The following ROBO2 variants were observed in gnomAD, a reference collection of about 807,000 sequenced individuals.
The protein encoded by ROBO2 is roundabout guidance receptor 2.
ROBO2 carries 53 observed loss-of-function variants against 160.8 expected under a neutral mutation model. That is an observed-to-expected ratio of 0.33 (90% CI 0.26 to 0.41). ROBO2 has a LOEUF of 0.41. Ranked by LOEUF, ROBO2 falls within the 10% of genes least tolerant of loss-of-function variation. The probability of loss-of-function intolerance (pLI) is 1.00; values close to 1 mark genes in which losing one functional copy is unlikely to be tolerated. For missense variants in ROBO2, 1,577 were observed against 1,722.4 expected (o/e 0.92, Z 1.49); for synonymous variants, 664 against 611.7 (o/e 1.09, Z -1.26).
intron 2 of ROBO2, among the ~76,000 whole-genome samples, chr3:76,220,257 G>A (rs1200949196): frequency 6.6e-5 from 10 of 151,456 alleles, no homozygotes; most frequent in African/African-American, 1.2e-4. Context: ...CAGCACACCA[G>A]CATGGCACAT....
chr3:77,074,462 A>T (rs1251241691), intron 1 of ROBO2, among the ~76,000 whole-genome samples: 1 of 152,196 alleles, frequency 6.6e-6, no homozygotes, highest in East Asian at 1.9e-4. Flanking sequence ...TTTATCTATT[A>T]TATTTTGAAT....
At chr3:76,176,308 G>GT (rs1453878294) in intron 2 of ROBO2, among the ~76,000 whole-genome samples, 3 of 152,142 alleles carry the variant, frequency 2.0e-5, no homozygotes, top group Admixed American at 6.5e-5. Flanking sequence ...AAACCTCTGA[G>GT]TATGGTATCT....
chr3:76,304,009 G>A (rs1236635652), intron 2 of ROBO2, among the ~76,000 whole-genome samples: 1 of 152,190 alleles, frequency 6.6e-6, no homozygotes, highest in East Asian at 1.9e-4. Context: ...CTCGATAACA[G>A]TGAAAATAAG....
At chr3:76,256,501 A>T (rs554530495) in intron 2 of ROBO2, among the ~76,000 whole-genome samples, 17 of 151,946 alleles carry the variant, frequency 1.1e-4, no homozygotes, top group African/African-American at 4.1e-4. Flanking sequence ...GAGCCCAGAA[A>T]TTCCAGACCA....
chr3:76,731,167 T>G (rs1450559346), intron 2 of ROBO2, among the ~76,000 whole-genome samples: 4 of 152,242 alleles, frequency 2.6e-5, no homozygotes, highest in Non-Finnish European at 5.9e-5. Flanking sequence ...TCAAATTGTT[T>G]TATGAAATTA....
intron 2 of ROBO2, among the ~76,000 whole-genome samples, chr3:76,557,267 A>G (rs2083852943): frequency 6.6e-6 from 1 of 152,004 alleles, no homozygotes. Flanking sequence ...GTCAAGGTTG[A>G]TAATATTTTA....
Position 77,540,123 on chromosome 3 carries a change from T to C in ROBO2, c.935-6215T>C, listed in dbSNP as rs149197329. ...CACTGTGATGCGATGAAAAGCACTA[T>C]AGGTTTATGAATAAAGAGTGACTTG... On this transcript the variant is annotated intron_variant, in intron 6 of 25. Coordinates refer to ENST00000461745, the Ensembl canonical transcript of ROBO2. Among the ~76,000 whole-genome samples, 3 of 152,284 alleles carry C rather than the reference T, an allele frequency of 2.0e-5. No individual in the cohort carries two copies. In the East Asian group the frequency reaches 5.8e-4, roughly 29 times the overall value.
chr3:76,395,932 A>C (rs1317976450), intron 2 of ROBO2, among the ~76,000 whole-genome samples: 1 of 152,186 alleles, frequency 6.6e-6, no homozygotes, highest in Non-Finnish European at 1.5e-5. Context: ...AAACCATTCC[A>C]ATCAATAGAA....
intron 2 of ROBO2, among the ~76,000 whole-genome samples, chr3:76,080,942 T>G (rs895793259): frequency 1.3e-5 from 2 of 152,246 alleles, no homozygotes; most frequent in South Asian, 4.1e-4. Context: ...TATTCCTTTA[T>G]AAAAATATTC....
chr3:77,038,488 T>C (rs574260588), upstream of ROBO2, among the ~76,000 whole-genome samples: 1 of 152,250 alleles, frequency 6.6e-6, no homozygotes, highest in South Asian at 2.1e-4. Flanking sequence ...CTAAGTTAAG[T>C]AGCAGCACCA....
intron 2 of ROBO2, among the ~76,000 whole-genome samples, chr3:77,383,157 G>C (rs769894047): frequency 3.3e-5 from 5 of 151,990 alleles, no homozygotes; most frequent in Non-Finnish European, 7.4e-5. Context: ...TTACCACCTT[G>C]TATATAGTTG....
At chr3:76,560,042 A>G (rs2084062299) in intron 2 of ROBO2, among the ~76,000 whole-genome samples, 2 of 152,096 alleles carry the variant, frequency 1.3e-5, no homozygotes, top group African/African-American at 2.4e-5. Context: ...TTACTTCTCT[A>G]TAAGAGCTAC....
rs1394515315 is a variant in ROBO2 at position 76,194,350 on chromosome 3, GTAAATATATATA to G, written c.109+256751_109+256762del. ...ATATCTATATAAATATGTATGGTGT[GTAAATATATATA>G]TATATATATATATATATATATATAG... is the stretch of plus-strand genomic sequence containing the variant. On this transcript the variant is annotated intron_variant, in intron 2 of 26. Transcript: ENST00000487694. Among the ~76,000 whole-genome samples the G allele has an allele frequency of 4.5e-3, 191 of 42,054 alleles. 3 individuals carry two copies. Among genetic ancestry groups the G allele is most frequent in the Admixed American group, 0.014 (64 of 4,486 alleles). 27.6% of individuals were successfully genotyped at this position (42,054 alleles called of 152,430 possible).
chr3:77,198,886 G>C (rs1322965999), intron 2 of ROBO2, among the ~76,000 whole-genome samples: 1 of 151,964 alleles, frequency 6.6e-6, no homozygotes, highest in Non-Finnish European at 1.5e-5. Flanking sequence ...CTGGGCAACA[G>C]GGCGAGACTC....
chr3:77,581,045 C>A (rs1377881253), intron 16 of ROBO2, among the ~76,000 whole-genome samples: 1 of 152,058 alleles, frequency 6.6e-6, no homozygotes, highest in African/African-American at 2.4e-5. Flanking sequence ...ATTGGGATAA[C>A]CTGTGATTTT....
At chr3:77,241,368 T>A (rs191080704) in intron 2 of ROBO2, among the ~76,000 whole-genome samples, 58 of 152,366 alleles carry the variant, frequency 3.8e-4, no homozygotes, top group Admixed American at 2.2e-3. Context: ...TCACAAATAA[T>A]CTTATCTTTT....
rs555695266 is a variant in ROBO2, at chr3:76,578,559, T to C, written c.110-519455T>C. On this transcript the variant is annotated intron_variant, in intron 2 of 26. Transcript: ENST00000487694. ...TCATCATCCCTCTTGACCTCGCAGC[T>C]GCTTTTCACATAGTTGGTGTTCTGT... 2.2e-4 allele frequency among the ~76,000 whole-genome samples: 34 copies of C among 152,266 alleles called. 2 individuals carry two copies. The South Asian group carries it at 5.6e-3, about 25-fold the overall frequency.
intron 2 of ROBO2, among the ~76,000 whole-genome samples, chr3:77,207,213 TATAAG>T (rs2083552538): frequency 6.6e-6 from 1 of 152,330 alleles, no homozygotes; most frequent in African/African-American, 2.4e-5. Context: ...TCGTCTCTCT[TATAAG>T]AGATCTAAAA....
At chr3:76,299,087 T>C (rs2107732902) in intron 2 of ROBO2, among the ~76,000 whole-genome samples, 1 of 152,322 alleles carries the variant, frequency 6.6e-6, no homozygotes, top group African/African-American at 2.4e-5. Flanking sequence ...CATCTGTGAA[T>C]ACAACGAACA....
Sources: allele counts gnomAD v4.1 joint callset (sites outside exome capture counted in the v4.1 genomes callset), GRCh38; gene constraint gnomAD v4.1.1; transcripts MANE v1.5; gene names NCBI Gene and HGNC (gene_info 2026-07-23, HGNC 2026-07-21).